Variants in SLC2A13 observed in about 807,000 individuals in gnomAD.
SLC2A13 encodes solute carrier family 2 member 13, also known as proton myo-inositol cotransporter.
Under a neutral mutation model 64.4 loss-of-function variants are expected in SLC2A13, and 32 were observed. The ratio of observed to expected loss-of-function variants is 0.50; its 90% confidence interval spans 0.37 to 0.67. The LOEUF is 0.67. Among genes scored for constraint, SLC2A13 ranks in the 30% least tolerant of loss-of-function variants. The pLI is 0.00. For missense variants in SLC2A13, 743 were observed against 829.2 expected (o/e 0.90, Z 1.28); for synonymous variants, 338 against 327.1 (o/e 1.03, Z -0.36).
At chr12:40,067,912 T>C (rs1937797937) in intron 1 of SLC2A13, among the ~76,000 whole-genome samples, 2 of 152,174 alleles carry the variant, frequency 1.3e-5, no homozygotes, top group South Asian at 4.1e-4. Context: ...TTATTCTTTT[T>C]TTCTTGTTGA....
intron 3 of SLC2A13, among the ~76,000 whole-genome samples, chr12:40,009,564 G>A (rs12312535): frequency 0.13 from 20,040 of 152,022 alleles, 1,565 homozygotes; most frequent in Middle Eastern, 0.2. Context: ...CGAGTATCTG[G>A]GGCTTCAGGC....
intron 6 of SLC2A13, among the ~76,000 whole-genome samples, chr12:39,858,753 C>G (rs1330796193): frequency 3.3e-5 from 5 of 152,042 alleles, no homozygotes; most frequent in African/African-American, 1.2e-4. Flanking sequence ...ATTATAGGAG[C>G]CTGCCACCAC....
Position 39,864,874 on chromosome 12 carries a change from C to T in SLC2A13, c.1207G>A (p.Val403Ile), listed in dbSNP as rs372764299. 26 of 1,606,762 alleles carry T rather than the reference C, an allele frequency of 1.6e-5. No individual in the cohort carries two copies. Among genetic ancestry groups the T allele is most frequent in the South Asian group, 3.4e-5 (3 of 89,306 alleles). The change falls in exon 6 of 10, where the codon GTA becomes ATA. Residue 403 changes from valine to isoleucine, a missense_variant. Val to Ile is a conservative substitution (Grantham distance 29, BLOSUM62 3). Transcript: ENST00000280871. The part of the protein sequence containing the change: ...LTFGSLAGTT[V>I]ALIILALGFV... ...CCCAAGGCAAGAATAATGAGTGCTA[C>T]GGTGGTACCTTAAAAAAAAAAAGTT...
intron 6 of SLC2A13, among the ~76,000 whole-genome samples, chr12:39,855,697 T>G (rs1943590160): frequency 6.6e-6 from 1 of 152,206 alleles, no homozygotes; most frequent in South Asian, 2.1e-4. Flanking sequence ...AGTACTATAT[T>G]CTTCGATTTC....
chr12:39,831,776 C>T (rs1942857733), intron 6 of SLC2A13, among the ~76,000 whole-genome samples: 1 of 152,100 alleles, frequency 6.6e-6, no homozygotes, highest in East Asian at 1.9e-4. Context: ...TCTTCTCTCT[C>T]TTGCTCCCAC....
At chr12:39,761,594 C>T (rs1037571468) in intron 9 of SLC2A13, among the ~76,000 whole-genome samples, 1 of 147,804 alleles carries the variant, frequency 6.8e-6, no homozygotes, top group Non-Finnish European at 1.5e-5. Context: ...AAGGGTGATA[C>T]TGATAAGCTA....
chr12:39,940,205 C>T (rs1447737493), intron 4 of SLC2A13, among the ~76,000 whole-genome samples: 1 of 152,174 alleles, frequency 6.6e-6, no homozygotes, highest in Non-Finnish European at 1.5e-5. Context: ...GGGGAAGACA[C>T]TTTAGAGAGA....
chr12:39,762,957 G>A (rs1940213122), intron 9 of SLC2A13, among the ~76,000 whole-genome samples: 1 of 151,998 alleles, frequency 6.6e-6, no homozygotes, highest in Non-Finnish European at 1.5e-5. Flanking sequence ...ATTCAAGAAA[G>A]AGGAGCTTTG....
chr12:39,760,112 A>C lies in SLC2A13; in HGVS notation c.1861T>G (p.Ser621Ala). 1 of 1,612,944 alleles carries C rather than the reference A, an allele frequency of 6.2e-7. No homozygotes were observed. The highest frequency in any genetic ancestry group is 2.2e-5 in the East Asian group (1 of 44,822). The change falls in exon 10 of 10, where the codon TCT becomes GCT. Residue 621 changes from serine to alanine, a missense_variant. Physicochemically the swap from Ser to Ala is moderately conservative, Grantham distance 99. Transcript: ENST00000280871. ...TATTCAATATATCTCCCTTCATCAG[A>C]ATCTGAAGTGCCACATGTACATAGC... ...NRLCTCGTSD[S>A]DEGRYIEYIR...
At chr12:40,050,717 A>G (rs1948240948) in intron 1 of SLC2A13, among the ~76,000 whole-genome samples, 1 of 152,188 alleles carries the variant, frequency 6.6e-6, no homozygotes, top group Non-Finnish European at 1.5e-5. Flanking sequence ...GCAAGATTCT[A>G]AAACCCAATT....
At chr12:39,881,311 A>G (rs1435557772) in intron 4 of SLC2A13, among the ~76,000 whole-genome samples, 1 of 152,002 alleles carries the variant, frequency 6.6e-6, no homozygotes, top group Non-Finnish European at 1.5e-5. Context: ...AGATGACAAT[A>G]TGAGTGTGGT....
At chr12:40,050,207 C>T (rs867425890) in intron 1 of SLC2A13, among the ~76,000 whole-genome samples, 3 of 152,086 alleles carry the variant, frequency 2.0e-5, no homozygotes, top group Non-Finnish European at 4.4e-5. Context: ...TAATTTACAA[C>T]TTGGATTTCT....
At chr12:40,030,556 A>G (rs1353143714) in intron 2 of SLC2A13, among the ~76,000 whole-genome samples, 1 of 152,176 alleles carries the variant, frequency 6.6e-6, no homozygotes, top group Non-Finnish European at 1.5e-5. Context: ...CTTTCCAAAG[A>G]AAGATCATGA....
intron 7 of SLC2A13, among the ~76,000 whole-genome samples, chr12:39,772,426 C>A (rs1341650968): frequency 6.6e-6 from 1 of 151,910 alleles, no homozygotes; most frequent in African/African-American, 2.4e-5. Flanking sequence ...TTTTAAATCT[C>A]AACCTATTGT....
intron 4 of SLC2A13, among the ~76,000 whole-genome samples, chr12:39,948,296 G>A (rs1946173453): frequency 6.6e-6 from 1 of 151,974 alleles, no homozygotes; most frequent in African/African-American, 2.4e-5. Flanking sequence ...GAGAATGTAT[G>A]GGTTGGGATA....
At chr12:40,100,190 G>C (rs922867260) in intron 1 of SLC2A13, among the ~76,000 whole-genome samples, 2 of 152,192 alleles carry the variant, frequency 1.3e-5, no homozygotes, top group Non-Finnish European at 2.9e-5. Context: ...TGTTCAAGTA[G>C]AGGGAGTCCG....
chr12:39,895,998 G>GTA (rs753339209), intron 4 of SLC2A13, among the ~76,000 whole-genome samples: 1 of 132,852 alleles, frequency 7.5e-6, no homozygotes, highest in Admixed American at 8.4e-5. Flanking sequence ...TCATATATGT[G>GTA]TATATATACA....
At chr12:39,870,204 T>TA (rs1298428593) in intron 5 of SLC2A13, among the ~76,000 whole-genome samples, 2 of 152,164 alleles carry the variant, frequency 1.3e-5, no homozygotes, top group Admixed American at 6.5e-5. Flanking sequence ...ATTTAAAAAA[T>TA]AGACTTCTTG....
intron 3 of SLC2A13, among the ~76,000 whole-genome samples, chr12:39,971,998 ATAT>A (rs1460646911): frequency 6.1e-5 from 1 of 16,396 alleles, no homozygotes; most frequent in South Asian, 3.4e-3. Flanking sequence ...AAAAAAAAAA[ATAT>A]ATATATATAT....
Sources: allele counts gnomAD v4.1 joint callset (sites outside exome capture counted in the v4.1 genomes callset), GRCh38; gene constraint gnomAD v4.1.1; transcripts MANE v1.5; gene names NCBI Gene and HGNC (gene_info 2026-07-23, HGNC 2026-07-21).